Variants in LRRIQ1 observed in about 807,000 individuals in gnomAD.
LRRIQ1 encodes leucine rich repeats and IQ motif containing 1, also known as leucine-rich repeat- and IQ domain-containing protein 1.
LRRIQ1 carries 210 observed loss-of-function variants against 211.9 expected under a neutral mutation model. The ratio of observed to expected loss-of-function variants is 0.99; its 90% CI spans 0.89 to 1.11. LRRIQ1 has a LOEUF of 1.11. Among genes scored for constraint, LRRIQ1 ranks in the 50% most tolerant of loss-of-function variants. The pLI, the probability that LRRIQ1 is intolerant of heterozygous loss-of-function variation, is 0.00. For synonymous variants in LRRIQ1, 699 were observed against 650.1 expected (o/e 1.08, Z -1.14); for missense variants, 2,136 against 1,939.5 (o/e 1.10, Z -1.90).
chr12:85,247,643 A>G (rs1338863014), downstream of LRRIQ1, among the ~76,000 whole-genome samples: 2 of 151,570 alleles, frequency 1.3e-5, no homozygotes, highest in African/African-American at 4.8e-5. Flanking sequence ...AAAAATATAC[A>G]TAAAGCATAT....
chr12:85,099,486 T>C (rs983586152), intron 13 of LRRIQ1, among the ~76,000 whole-genome samples: 3 of 151,892 alleles, frequency 2.0e-5, no homozygotes, highest in Non-Finnish European at 4.4e-5. Flanking sequence ...AAAAATACCT[T>C]AACATTCAAT....
At chr12:85,070,236 T>G (rs1037885114) in intron 10 of LRRIQ1, among the ~76,000 whole-genome samples, 1 of 151,996 alleles carries the variant, frequency 6.6e-6, no homozygotes, top group African/African-American at 2.4e-5. Flanking sequence ...ATTTGACGAT[T>G]TACTTTTAGT....
At chr12:85,262,688 T>C (rs568133101) in intron 1 of LRRIQ1, among the ~76,000 whole-genome samples, 12 of 152,278 alleles carry the variant, frequency 7.9e-5, no homozygotes, top group African/African-American at 2.9e-4. Context: ...ATCTATTTAA[T>C]ATTTTTAGTA....
intron 18 of LRRIQ1, among the ~76,000 whole-genome samples, chr12:85,136,597 G>A (rs1018967372): frequency 2.0e-5 from 3 of 151,852 alleles, no homozygotes; most frequent in Admixed American, 2.0e-4. Context: ...ATTATGGTTT[G>A]GCTTCCTAGG....
Position 85,047,370 on chromosome 12 carries a change from G to A in LRRIQ1, c.578G>A (p.Arg193Lys), listed in dbSNP as rs1329678813. Reference protein sequence around the residue: ...DKEKQTLKAQRDREEKQFQEE... With the variant: ...DKEKQTLKAQKDREEKQFQEE... ...GAGAAACAAACTCTCAAAGCTCAGA[G>A]GGATAGAGAAGAAAAACAATTTCAA... Residue 193 changes from arginine (R) to lysine (K), a missense_variant, in exon 6 of 27, where the codon AGG (arginine) becomes AAG (lysine). Physicochemically the swap from Arg to Lys is conservative, Grantham distance 26. Coordinates refer to ENST00000393217, the MANE Select transcript of LRRIQ1 (RefSeq NM_001079910.2). The A allele has an allele frequency of 6.2e-7, 1 of 1,606,836 alleles. No individual in the cohort carries two copies. The highest frequency in any genetic ancestry group is 1.7e-5 in the Admixed American group (1 of 59,962).
At chr12:85,197,832 T>TA (rs1040259993) in intron 24 of LRRIQ1, among the ~76,000 whole-genome samples, 17 of 130,132 alleles carry the variant, frequency 1.3e-4, no homozygotes, top group African/African-American at 5.2e-4. Context: ...AATAAAAAAA[T>TA]AAAAAATATT....
rs1395821887 is a variant in LRRIQ1 at position 85,216,504 on chromosome 12, T to A, written c.4823-13013T>A. On this transcript the variant is annotated intron_variant, in intron 24 of 26. Transcript: ENST00000393217. ...AATTTACATATAATTTAATATATAA[T>A]GTATATAATTCTTTATATTTCATAG... Among the ~76,000 whole-genome samples, 6 of 150,260 alleles carry A rather than the reference T, an allele frequency of 4.0e-5. No individual in the cohort carries two copies. In the East Asian group the frequency reaches 1.2e-3, roughly 29 times the overall value.
intron 18 of LRRIQ1, among the ~76,000 whole-genome samples, chr12:85,129,494 G>A (rs1486158616): frequency 6.6e-6 from 1 of 152,188 alleles, no homozygotes; most frequent in Non-Finnish European, 1.5e-5. Context: ...TATTGTGGGT[G>A]AAAATATAAA....
intron 13 of LRRIQ1, among the ~76,000 whole-genome samples, chr12:85,101,359 A>G (rs1886329476): frequency 6.6e-6 from 1 of 151,774 alleles, no homozygotes; most frequent in Non-Finnish European, 1.5e-5. Flanking sequence ...GACTTAGTGG[A>G]GTTCTAACTG....
At chr12:85,113,351 T>G (rs1887321657) in intron 15 of LRRIQ1, among the ~76,000 whole-genome samples, 1 of 148,956 alleles carries the variant, frequency 6.7e-6, no homozygotes, top group Admixed American at 6.7e-5. Context: ...GTTTGTCCAT[T>G]TCAGGTTTGT....
At chr12:85,112,118 A>G (rs1321766832) in intron 15 of LRRIQ1, among the ~76,000 whole-genome samples, 2 of 152,038 alleles carry the variant, frequency 1.3e-5, no homozygotes, top group Non-Finnish European at 2.9e-5. Flanking sequence ...CATCTGAAGT[A>G]TAAAAGTTTC....
Position 85,124,415 on chromosome 12 carries a change from C to T in LRRIQ1, c.3903C>T (p.Asp1301=). Residue 1301 remains aspartate, a synonymous_variant, in exon 17 of 27, where the codon GAC becomes GAT. Transcript: ENST00000393217. Reference sequence around the variant, plus strand: ...TATTAGTATGTCAGAAGAGAGAAGACAGCAAGGCAAGCAGTATTCCCACCA... The same window carrying T: ...TATTAGTATGTCAGAAGAGAGAAGATAGCAAGGCAAGCAGTATTCCCACCA... The part of the protein sequence containing the change: ...QEILVCQKRE[D]SKASSIPTIR... 6.2e-7 allele frequency: 1 copy of T among 1,614,002 alleles called. No individual in the cohort carries two copies. Among genetic ancestry groups the T allele is most frequent in the Non-Finnish European group, 8.5e-7 (1 of 1,180,018 alleles).
chr12:85,198,030 TAA>T (rs1893063458), intron 24 of LRRIQ1, among the ~76,000 whole-genome samples: 2 of 72,564 alleles, frequency 2.8e-5, no homozygotes, highest in African/African-American at 2.4e-4. Flanking sequence ...TTATTATATA[TAA>T]CATATATAAT....
chr12:85,222,842 TACCCTTA>T (rs1001812563), intron 24 of LRRIQ1, among the ~76,000 whole-genome samples: 2 of 152,074 alleles, frequency 1.3e-5, no homozygotes, highest in African/African-American at 4.8e-5. Flanking sequence ...GTAAGAAAGG[TACCCTTA>T]CACATACATA....
At chr12:85,217,465 A>AGT (rs1894142443) in intron 24 of LRRIQ1, among the ~76,000 whole-genome samples, 1 of 89,460 alleles carries the variant, frequency 1.1e-5, no homozygotes, top group African/African-American at 6.3e-5. Context: ...AGGGACCTGA[A>AGT]GTATATATAT....
intron 11 of LRRIQ1, among the ~76,000 whole-genome samples, chr12:85,080,351 G>A (rs1884150569): frequency 6.6e-6 from 1 of 151,290 alleles, no homozygotes; most frequent in African/African-American, 2.4e-5. Context: ...AAATACACAT[G>A]TTTTTATGAT....
At chr12:85,163,442 C>A (rs1031084720) in intron 24 of LRRIQ1, among the ~76,000 whole-genome samples, 2 of 152,110 alleles carry the variant, frequency 1.3e-5, no homozygotes, top group Admixed American at 6.5e-5. Flanking sequence ...CAATGGTATG[C>A]CAACACTGTC....
At chr12:85,231,707 A>C (rs1351171941) in intron 25 of LRRIQ1, among the ~76,000 whole-genome samples, 1 of 152,152 alleles carries the variant, frequency 6.6e-6, no homozygotes, top group African/African-American at 2.4e-5. Context: ...ACCCATTCTC[A>C]TGGGAACTAA....
chr12:85,192,453 TATATA>T lies in LRRIQ1; in HGVS notation c.4822+31747_4822+31751del, dbSNP rs1442620365. Among the ~76,000 whole-genome samples the T allele has an allele frequency of 4.0e-3, 486 of 122,256 alleles. 4 individuals are homozygous for T. The highest frequency in any genetic ancestry group is 6.1e-3 in the Non-Finnish European group (372 of 60,712). The allele number at this position is 122,256 out of a possible 152,430, so 80.2% of individuals were successfully genotyped here. ...ATATTTATATATAAATGTATATAGT[TATATA>T]ATATAATTATATATAAATATATATA... On this transcript the variant is annotated intron_variant, in intron 24 of 26. Coordinates refer to ENST00000393217, the MANE Select transcript of LRRIQ1 (RefSeq NM_001079910.2).
Sources: gnomAD v4.1 joint callset for allele counts (sites outside exome capture counted in the v4.1 genomes callset) on GRCh38, gnomAD v4.1.1 for gene constraint, MANE v1.5 for transcripts, NCBI Gene and HGNC (gene_info 2026-07-23, HGNC 2026-07-21) for gene names.